SOBP: variants seen among roughly 807,000 people sequenced by gnomAD.
SOBP encodes the protein sine oculis binding protein homolog.
Under a neutral mutation model 53.6 loss-of-function variants are expected in SOBP, and 4 were observed. That is an observed-to-expected ratio of 0.07 (90% CI 0.04 to 0.17). The LOEUF (loss-of-function observed/expected upper bound fraction) is 0.17. Among genes scored for constraint, SOBP ranks in the 10% least tolerant of loss-of-function variants. SOBP has a pLI of 1.00. For missense variants in SOBP, 1,088 were observed against 1,204.7 expected, an observed-to-expected ratio of 0.90 and a Z score of 1.43; for synonymous variants, 584 against 522.6, an observed-to-expected ratio of 1.12 and a Z score of -1.60.
chr6:107,615,425 G>A (rs528469194), intron 5 of SOBP, among the ~76,000 whole-genome samples: 11 of 152,276 alleles, frequency 7.2e-5, no homozygotes, highest in African/African-American at 2.2e-4. Flanking sequence ...AAATCAGAGG[G>A]ACAAAGGCTG....
At chr6:107,596,788 G>A (rs1329610651) in intron 5 of SOBP, among the ~76,000 whole-genome samples, 2 of 152,030 alleles carry the variant, frequency 1.3e-5, no homozygotes, top group African/African-American at 4.8e-5. Context: ...ATTTCATTAG[G>A]ATAAAGTATG....
At chr6:107,589,536 G>A (rs1583244184) in intron 5 of SOBP, among the ~76,000 whole-genome samples, 2 of 152,152 alleles carry the variant, frequency 1.3e-5, no homozygotes, top group South Asian at 2.1e-4. Context: ...GAAAGCATTG[G>A]CTGATAGAAA....
chr6:107,617,261 A>G (rs1205990148), intron 5 of SOBP, among the ~76,000 whole-genome samples: 1 of 152,166 alleles, frequency 6.6e-6, no homozygotes, highest in Non-Finnish European at 1.5e-5. Context: ...GCTTCTAAAG[A>G]GGGCAGCGTG....
intron 4 of SOBP, among the ~76,000 whole-genome samples, chr6:107,555,981 T>C (rs954803930): frequency 2.0e-5 from 3 of 152,234 alleles, no homozygotes; most frequent in African/African-American, 4.8e-5. Flanking sequence ...TGGGATTTGA[T>C]ATGTTAGGGG....
intron 1 of SOBP, among the ~76,000 whole-genome samples, chr6:107,500,939 G>C (rs1211422220): frequency 4.6e-5 from 7 of 152,082 alleles, no homozygotes; most frequent in Non-Finnish European, 1.0e-4. Flanking sequence ...TTTGGTGTTC[G>C]TTTTCTCTCT....
chr6:107,513,070 A>G (rs1783217047), intron 3 of SOBP, among the ~76,000 whole-genome samples: 1 of 152,210 alleles, frequency 6.6e-6, no homozygotes, highest in Admixed American at 6.5e-5. Context: ...ATTTCTTACC[A>G]TGTTTGCACA....
chr6:107,508,468 A>T (rs140079328), intron 3 of SOBP, among the ~76,000 whole-genome samples: 156 of 152,080 alleles, frequency 1.0e-3, no homozygotes, highest in African/African-American at 2.7e-3. Context: ...AATCCCAGCT[A>T]CTCGGGAGGC....
chr6:107,525,373 C>T (rs370174399), intron 3 of SOBP, among the ~76,000 whole-genome samples: 2 of 152,324 alleles, frequency 1.3e-5, no homozygotes, highest in East Asian at 1.9e-4. Flanking sequence ...TTAAAGAATC[C>T]AAGCTCAGCA....
rs1035271733 is a variant in SOBP, at chr6:107,661,025, C to T, written c.*2822C>T. Among the ~76,000 whole-genome samples the T allele has an allele frequency of 8.5e-5, 13 of 152,160 alleles. No homozygotes were observed. The highest frequency in any genetic ancestry group is 2.7e-4 in the African/African-American group (11 of 41,438). ...AGGACGTGCCAGCGGCCGAGGCACC[C>T]GGCTGTGGTTGTCCTGATAGCATTA... On this transcript the variant is annotated 3_prime_UTR_variant, in exon 7 of 7. Coordinates refer to ENST00000317357, the MANE Select transcript of SOBP (RefSeq NM_018013.4).
chr6:107,577,471 C>T (rs1056966975), intron 4 of SOBP, among the ~76,000 whole-genome samples: 2 of 152,178 alleles, frequency 1.3e-5, no homozygotes, highest in Non-Finnish European at 2.9e-5. Context: ...ACTGATTGGT[C>T]CAGGGATATC....
intron 5 of SOBP, among the ~76,000 whole-genome samples, chr6:107,613,153 T>C (rs1227951137): frequency 6.6e-6 from 1 of 152,236 alleles, no homozygotes; most frequent in Admixed American, 6.5e-5. Context: ...GACCAAGTGC[T>C]GTTTTTAAAC....
chr6:107,521,978 G>A (rs1373113077), intron 3 of SOBP, among the ~76,000 whole-genome samples: 2 of 149,672 alleles, frequency 1.3e-5, no homozygotes, highest in South Asian at 2.1e-4. Flanking sequence ...TCAAGTCTGA[G>A]AATTACCAAG....
At chr6:107,596,356 G>T (rs886377831) in intron 5 of SOBP, among the ~76,000 whole-genome samples, 1 of 152,092 alleles carries the variant, frequency 6.6e-6, no homozygotes, top group Non-Finnish European at 1.5e-5. Context: ...GGAGGTGGAC[G>T]CTTAAGAATT....
chr6:107,506,425 C>A lies in SOBP; in HGVS notation c.419C>A (p.Ala140Glu). Residue 140 changes from alanine (A) to glutamate (E), a missense_variant and splice_region_variant, in exon 3 of 7, where the codon GCA becomes GAA. Physicochemically the swap from Ala to Glu is moderately radical, Grantham distance 107. This residue lies in a region of SOBP where 112 missense variants were observed against 117.9 expected (regional missense o/e 0.95). Transcript: ENST00000317357. ...LIPPPFIKPP[A>E]EDDVSNVQIM... is the part of the protein sequence containing the mutation. ...CCACCACCTTTCATAAAGCCACCAG[C>A]AGGTAAGTCACTACTGGTGTTTTCA... The A allele has an allele frequency of 6.2e-7, 1 of 1,613,808 alleles. No individual in the cohort carries two copies.
chr6:107,611,709 A>G (rs1156813312), intron 5 of SOBP, among the ~76,000 whole-genome samples: 1 of 152,242 alleles, frequency 6.6e-6, no homozygotes, highest in Non-Finnish European at 1.5e-5. Flanking sequence ...CTTTCCGGTC[A>G]AGAAGCTGTG....
intron 6 of SOBP, among the ~76,000 whole-genome samples, chr6:107,652,319 G>A (rs370432238): frequency 5.9e-5 from 9 of 152,332 alleles, no homozygotes; most frequent in South Asian, 4.1e-4. Flanking sequence ...TCCAACACTC[G>A]TGGATGACTT....
At chr6:107,564,245 A>G (rs1784853630) in intron 4 of SOBP, among the ~76,000 whole-genome samples, 1 of 152,152 alleles carries the variant, frequency 6.6e-6, no homozygotes, top group South Asian at 2.1e-4. Context: ...AGCTTTTAAT[A>G]CTAAGGAGCC....
chr6:107,614,433 C>T (rs1786707358), intron 5 of SOBP, among the ~76,000 whole-genome samples: 1 of 152,018 alleles, frequency 6.6e-6, no homozygotes, highest in South Asian at 2.1e-4. Flanking sequence ...ACAAAAAGGC[C>T]AGGGAGCACA....
intron 4 of SOBP, among the ~76,000 whole-genome samples, chr6:107,540,272 A>G (rs1026173061): frequency 1.3e-5 from 2 of 152,244 alleles, no homozygotes; most frequent in African/African-American, 4.8e-5. Flanking sequence ...CCTCCATTTC[A>G]ATACCTCTGG....
Sources: gnomAD v4.1 joint callset for allele counts (sites outside exome capture counted in the v4.1 genomes callset) on GRCh38, gnomAD v4.1.1 for gene constraint, gnomAD v4.1.1 regional missense constraint, MANE v1.5 for transcripts, NCBI Gene and HGNC (gene_info 2026-07-23, HGNC 2026-07-21) for gene names.